The following FANCI variants were observed in gnomAD, a reference collection of about 807,000 sequenced individuals.
FANCI encodes FA complementation group I, also known as Fanconi anemia group I protein.
Under a neutral mutation model 176.1 loss-of-function variants are expected in FANCI, and 156 were observed. The ratio of observed to expected loss-of-function variants is 0.89; its 90% CI spans 0.78 to 1.01. The LOEUF (loss-of-function observed/expected upper bound fraction) is 1.01. Among genes scored for constraint, FANCI ranks in the 50% least tolerant of loss-of-function variants. The probability of loss-of-function intolerance (pLI) is 0.00; values close to 1 mark genes in which losing one functional copy is unlikely to be tolerated. For synonymous variants in FANCI, 613 were observed against 541.7 expected, an observed-to-expected ratio of 1.13 and a Z score of -1.83; for missense variants, 1,678 against 1,534.1, an observed-to-expected ratio of 1.09 and a Z score of -1.57.
At chr15:89,302,756 A>G (rs1185838132) in intron 27 of FANCI, among the ~76,000 whole-genome samples, 1 of 151,914 alleles carries the variant, frequency 6.6e-6, no homozygotes, top group Non-Finnish European at 1.5e-5. Flanking sequence ...TGTATTTTTA[A>G]TAGAGACGGG....
intron 24 of FANCI, 95 bp from the exon 25 acceptor site, chr15:89,299,705 T>G: frequency 7.8e-7 from 1 of 1,281,706 alleles, no homozygotes; most frequent in Non-Finnish European, 1.1e-6. Flanking sequence ...TTTAAACTTC[T>G]AGAACTGTTC....
chr15:89,312,748 C>T (rs990968278), intron 34 of FANCI, among the ~76,000 whole-genome samples, 156 bp from the exon 35 acceptor site: 9 of 150,426 alleles, frequency 6.0e-5, no homozygotes, highest in Non-Finnish European at 1.0e-4. Flanking sequence ...TAACTCGGGG[C>T]GCAGAGGTTA....
intron 34 of FANCI, among the ~76,000 whole-genome samples, chr15:89,309,764 A>C (rs1039657480): frequency 2.0e-5 from 3 of 152,210 alleles, no homozygotes; most frequent in African/African-American, 7.2e-5. Context: ...TATGTTCATT[A>C]GTAGTTTTCA....
At chr15:89,285,290 G>C in intron 18 of FANCI, 72 bp downstream of exon 18, 2 of 1,567,428 alleles carry the variant, frequency 1.3e-6, no homozygotes, top group South Asian at 2.3e-5. Context: ...TTTTTTTCCT[G>C]ATTATAAAAG....
intron 22 of FANCI, 108 bp from the exon 23 acceptor site, chr15:89,293,725 C>CTTCTAAATAAATGAACTTTAAAT: frequency 9.4e-7 from 1 of 1,059,010 alleles, no homozygotes; most frequent in Admixed American, 1.8e-5. Flanking sequence ...TATAATGTTA[C>CTTCTAAATAAATGAACTTTAAAT]GTCTAAAATA....
intron 18 of FANCI, among the ~76,000 whole-genome samples, chr15:89,286,488 A>G (rs778045885): frequency 1.3e-5 from 2 of 152,210 alleles, no homozygotes; most frequent in Non-Finnish European, 2.9e-5. Context: ...ATCTTTCTGT[A>G]CATTTCCATC....
chr15:89,274,783 T>G (rs962710176), intron 12 of FANCI, among the ~76,000 whole-genome samples: 2 of 151,934 alleles, frequency 1.3e-5, no homozygotes, highest in Non-Finnish European at 2.9e-5. Flanking sequence ...TTTTGCGTTT[T>G]TTGTAGAGAC....
chr15:89,258,093 T>G (rs1196191484), intron 2 of FANCI, among the ~76,000 whole-genome samples: 1 of 152,166 alleles, frequency 6.6e-6, no homozygotes, highest in Non-Finnish European at 1.5e-5. Context: ...AAGCAAGGCT[T>G]TGGCCTCAAA....
chr15:89,296,847 G>A (rs1467202248), intron 24 of FANCI, among the ~76,000 whole-genome samples: 2 of 149,668 alleles, frequency 1.3e-5, no homozygotes, highest in Non-Finnish European at 3.0e-5. Context: ...GCGGCTGGCC[G>A]GGCAGAGGGG....
chr15:89,294,539 C>G (rs1462630163), intron 23 of FANCI, among the ~76,000 whole-genome samples: 3 of 151,948 alleles, frequency 2.0e-5, no homozygotes, highest in Non-Finnish European at 4.4e-5. Flanking sequence ...GAGCCGAGAT[C>G]ATGCCATTGC....
At chr15:89,262,836 T>C (rs74031426) in intron 6 of FANCI, among the ~76,000 whole-genome samples, 5,679 of 152,344 alleles carry the variant, frequency 0.037, 356 homozygotes, top group African/African-American at 0.13. Context: ...AATCTACAAT[T>C]GTCAGATTAT....
Position 89,273,473 on chromosome 15 carries a change from T to A in FANCI, c.975+4T>A, listed in dbSNP as rs761042580. On this transcript the variant is annotated splice_donor_region_variant and intron_variant, in intron 11 of 37. Coordinates refer to ENST00000310775, the MANE Select transcript of FANCI (RefSeq NM_001113378.2). ...AATACAAAGATTTCAGGACCAGGTA[T>A]TTTTTTAAAATGCCATTTTGTTTCT... is the stretch of plus-strand genomic sequence containing the variant. 1 of 1,501,686 alleles carries A rather than the reference T, an allele frequency of 6.7e-7. No homozygotes were observed. 93.0% of individuals were successfully genotyped at this position (1,501,686 alleles called of 1,614,324 possible).
At chr15:89,294,456 G>T (rs1445132992) in intron 23 of FANCI, among the ~76,000 whole-genome samples, 1 of 152,044 alleles carries the variant, frequency 6.6e-6, no homozygotes, top group South Asian at 2.1e-4. Flanking sequence ...ATGGTGGTGC[G>T]CACCTGTAGT....
intron 37 of FANCI, among the ~76,000 whole-genome samples, chr15:89,315,934 C>G (rs2055227506): frequency 6.6e-6 from 1 of 152,150 alleles, no homozygotes; most frequent in Non-Finnish European, 1.5e-5. Context: ...TTAGGTTTGT[C>G]TAATAAGTAG....
At chr15:89,288,940 C>G (rs1248004827) in intron 18 of FANCI, among the ~76,000 whole-genome samples, 1 of 151,884 alleles carries the variant, frequency 6.6e-6, no homozygotes. Context: ...CGTGCCCGGC[C>G]CATCTTTATT....
chr15:89,250,400 T>C (rs1407616266), intron 2 of FANCI, among the ~76,000 whole-genome samples: 2 of 152,084 alleles, frequency 1.3e-5, no homozygotes, highest in Non-Finnish European at 2.9e-5. Context: ...TGTAGGGACA[T>C]GGATGAAGCT....
intron 2 of FANCI, among the ~76,000 whole-genome samples, chr15:89,250,081 C>T (rs2052171363): frequency 6.6e-6 from 1 of 152,200 alleles, no homozygotes; most frequent in South Asian, 2.1e-4. Flanking sequence ...AGCAAAGACA[C>T]TTTTACTTGG....
intron 3 of FANCI, chr15:89,259,050 G>A: frequency 2.4e-6 from 1 of 420,394 alleles, no homozygotes. Flanking sequence ...GTTTACTTGT[G>A]CTTTTAAGAT....
chr15:89,262,541 A>G (rs1167696519), intron 6 of FANCI, among the ~76,000 whole-genome samples: 1 of 152,166 alleles, frequency 6.6e-6, no homozygotes, highest in Non-Finnish European at 1.5e-5. Context: ...TTACTATGTT[A>G]TATAATACTG....
Sources: gnomAD v4.1 joint callset for allele counts (sites outside exome capture counted in the v4.1 genomes callset) on GRCh38, gnomAD v4.1.1 for gene constraint, MANE v1.5 for transcripts, NCBI Gene and HGNC (gene_info 2026-07-23, HGNC 2026-07-21) for gene names.